Variants in FZD3 observed in about 807,000 individuals in gnomAD.
FZD3 encodes frizzled-3.
FZD3 carries 30 observed loss-of-function variants against 60.7 expected under a neutral mutation model. The ratio of observed to expected loss-of-function variants is 0.49; its 90% CI spans 0.37 to 0.67. The LOEUF is 0.67. Ranked by LOEUF, FZD3 falls within the 30% of genes least tolerant of loss-of-function variation. The pLI, the probability that FZD3 is intolerant of heterozygous loss-of-function variation, is 0.00. For missense variants in FZD3, 605 were observed against 838.7 expected, an observed-to-expected ratio of 0.72 and a Z score of 3.44; for synonymous variants, 246 against 275.2, an observed-to-expected ratio of 0.89 and a Z score of 1.05.
intron 1 of FZD3, among the ~76,000 whole-genome samples, chr8:28,496,665 C>G (rs1033122392): frequency 6.6e-6 from 1 of 152,170 alleles, no homozygotes; most frequent in South Asian, 2.1e-4. Context: ...CAGCTTCTTA[C>G]TGGCTAGGAA....
intron 5 of FZD3, among the ~76,000 whole-genome samples, chr8:28,543,307 T>C (rs1043302372): frequency 2.6e-5 from 4 of 152,216 alleles, no homozygotes; most frequent in African/African-American, 7.2e-5. Flanking sequence ...TCACCATTTA[T>C]TGAGTATAAG....
intron 1 of FZD3, among the ~76,000 whole-genome samples, chr8:28,498,064 T>A (rs1318031307): frequency 3.3e-5 from 5 of 152,260 alleles, no homozygotes; most frequent in Non-Finnish European, 2.9e-5. Flanking sequence ...ATGGGTAAGC[T>A]TTAAAGTATC....
chr8:28,546,537 A>T (rs1217584401), intron 5 of FZD3, among the ~76,000 whole-genome samples: 1 of 152,136 alleles, frequency 6.6e-6, no homozygotes, highest in East Asian at 1.9e-4. Flanking sequence ...TTAGAATGTT[A>T]TTTCTCGAAA....
Position 28,520,635 on chromosome 8 carries a change from T to C in FZD3, c.190-3T>C. The C allele has an allele frequency of 6.5e-7, 1 of 1,540,562 alleles. No homozygotes were observed. Among genetic ancestry groups the C allele is most frequent in the South Asian group, 1.3e-5 (1 of 77,782 alleles). ...TAATTATTCAATTTTAACTTTTCCC[T>C]AGCCATTCCACCCTATGGTGAATCT... On this transcript the variant is annotated splice_polypyrimidine_tract_variant and splice_region_variant and intron_variant, in intron 3 of 7. Transcript: ENST00000240093.
At chr8:28,503,227 G>T in intron 3 of FZD3, 25 bp downstream of exon 3, 1 of 1,476,130 alleles carries the variant, frequency 6.8e-7, no homozygotes, top group Non-Finnish European at 9.4e-7. Flanking sequence ...ATTCTTTGAC[G>T]TATCTTAGTA....
intron 7 of FZD3, among the ~76,000 whole-genome samples, chr8:28,561,306 C>G (rs900320078): frequency 2.0e-5 from 3 of 152,146 alleles, no homozygotes; most frequent in Non-Finnish European, 2.9e-5. Context: ...ATCTGCCCAT[C>G]TCAGCCTCCC....
At position 28,551,750 on chromosome 8, in the gene FZD3, GAGTA is replaced by G; in HGVS notation, c.1553+3_1553+6del. 6.3e-7 allele frequency: 1 copy of G among 1,599,054 alleles called. No homozygotes were observed. Among genetic ancestry groups the G allele is most frequent in the Non-Finnish European group, 8.5e-7 (1 of 1,175,962 alleles). ...TTTTTTTCATGGTCGTAGGAAAAAA[GAGTA>G]AGTTGAAATAAATGATCACAGTGTT... On this transcript the variant is annotated splice_donor_variant and splice_donor_region_variant and coding_sequence_variant and intron_variant, in exon 6 of 8. Transcript: ENST00000240093. LOFTEE classifies it high-confidence loss of function.
intron 1 of FZD3, among the ~76,000 whole-genome samples, chr8:28,495,781 G>A (rs936022318): frequency 6.6e-6 from 1 of 152,148 alleles, no homozygotes; most frequent in Admixed American, 6.5e-5. Flanking sequence ...GCTTGACTGG[G>A]TGGGGCTGGA....
chr8:28,507,105 G>C (rs1217814727), intron 3 of FZD3, among the ~76,000 whole-genome samples: 1 of 152,054 alleles, frequency 6.6e-6, no homozygotes, highest in South Asian at 2.1e-4. Flanking sequence ...TCCTTTATCA[G>C]TGTCAAGTAT....
At chr8:28,506,164 AT>A (rs1804135244) in intron 3 of FZD3, among the ~76,000 whole-genome samples, 1 of 152,222 alleles carries the variant, frequency 6.6e-6, no homozygotes, top group Non-Finnish European at 1.5e-5. Flanking sequence ...GCCACCTATT[AT>A]CAGGTATTTA....
At chr8:28,531,373 G>A (rs1458713255) in intron 5 of FZD3, among the ~76,000 whole-genome samples, 2 of 152,062 alleles carry the variant, frequency 1.3e-5, no homozygotes, top group Non-Finnish European at 2.9e-5. Flanking sequence ...GTATGCTATT[G>A]TATAACTATA....
chr8:28,508,928 A>G (rs1563383095), intron 3 of FZD3, among the ~76,000 whole-genome samples: 1 of 152,210 alleles, frequency 6.6e-6, no homozygotes, highest in Admixed American at 6.5e-5. Flanking sequence ...AATATTAGCA[A>G]TATTTTTACT....
Position 28,569,157 on chromosome 8 carries a change from A to G in FZD3, c.*6146A>G, listed in dbSNP as rs1309531127. The stretch of plus-strand genomic sequence containing the variant: ...CTTGTTTGTATATGCTAAATTGCAG[A>G]TATTTCTTTGTGTTGTGCTTATTGG... On this transcript the variant is annotated 3_prime_UTR_variant, in exon 8 of 8. Transcript: ENST00000240093. The G allele has an allele frequency of 6.8e-6, 1 of 146,198 alleles. No individual in the cohort carries two copies. Among genetic ancestry groups the G allele is most frequent in the Non-Finnish European group, 1.5e-5 (1 of 67,026 alleles). The allele number at this position is 146,198 out of a possible 1,614,324, so 9.1% of individuals were successfully genotyped here. A position where few individuals can be genotyped will look rare whatever the true frequency, so the allele number is the denominator to read the frequency against.
intron 1 of FZD3, among the ~76,000 whole-genome samples, chr8:28,499,274 T>A (rs560710990): frequency 6.6e-6 from 1 of 152,362 alleles, no homozygotes; most frequent in South Asian, 2.1e-4. Context: ...ACATATACTG[T>A]TTTGTAAACT....
chr8:28,507,080 A>G (rs75940731), intron 3 of FZD3, among the ~76,000 whole-genome samples: 4,433 of 152,342 alleles, frequency 0.029, 95 homozygotes, highest in Middle Eastern at 0.051. Context: ...AAATATATGA[A>G]CACAATACCT....
Position 28,527,153 on chromosome 8 carries a change from A to T in FZD3, c.393A>T (p.Pro131=), listed in dbSNP as rs755830491. The change falls in exon 5 of 8, where the codon CCA becomes CCT. Residue 131 remains proline (P), a synonymous_variant. Transcript: ENST00000240093. This position sits in a 1 kb window ranked among gnomAD's most constrained non-coding sequence, Gnocchi z 5.0. The stretch of plus-strand genomic sequence containing the variant: ...ATCTTGTTTTGTTTTTTAGGTTCCC[A>T]GATTGTGATGAGCCATATCCTCGAC... ...WPEDMECSRF[P]DCDEPYPRLV... The T allele has an allele frequency of 6.3e-7, 1 of 1,599,892 alleles. No individual in the cohort carries two copies. The highest frequency in any genetic ancestry group is 1.1e-5 in the South Asian group (1 of 88,530).
intron 6 of FZD3, among the ~76,000 whole-genome samples, chr8:28,555,423 A>T (rs1805490724): frequency 6.6e-6 from 1 of 152,212 alleles, no homozygotes; most frequent in Non-Finnish European, 1.5e-5. Flanking sequence ...CATTTTACAG[A>T]TGAAGAAATG....
In FZD3 at chr8:28,550,221, A is replaced by G. The variant is rs368545010; in HGVS notation, c.1405-1382A>G. 2.6e-5 allele frequency among the ~76,000 whole-genome samples: 4 copies of G among 151,844 alleles called. No homozygotes were observed. In the East Asian group the frequency reaches 7.7e-4, roughly 29 times the overall value. ...AATTTTTTTATTTCCTCTGGAGTCA[A>G]TTATGTTAAATTACATTTTCCTATC... On this transcript the variant is annotated intron_variant, in intron 5 of 7. Transcript: ENST00000240093.
rs1484657995 is a variant in FZD3, at chr8:28,564,419, C to T, written c.*1408C>T. 1 of 115,018 alleles carries T rather than the reference C, an allele frequency of 8.7e-6. No individual in the cohort carries two copies. Among genetic ancestry groups the T allele is most frequent in the African/African-American group, 3.3e-5 (1 of 30,488 alleles). The allele number at this position is 115,018 out of a possible 1,614,324, so 7.1% of individuals were successfully genotyped here. A position where few individuals can be genotyped will look rare whatever the true frequency, so the allele number is the denominator to read the frequency against. On this transcript the variant is annotated 3_prime_UTR_variant, in exon 8 of 8. Transcript: ENST00000240093. ...AGATGCCTAACACCTTCCTCTCATA[C>T]AAATAAGAATTGGTAGCTTTCTTAA... is the stretch of plus-strand genomic sequence containing the variant.
Sources: gnomAD v4.1 joint callset for allele counts (sites outside exome capture counted in the v4.1 genomes callset) on GRCh38, gnomAD v4.1.1 for gene constraint, Gnocchi (gnomAD v3.1) non-coding constraint, MANE v1.5 for transcripts, NCBI Gene and HGNC (gene_info 2026-07-23, HGNC 2026-07-21) for gene names.